CUX1: variants seen among roughly 807,000 people sequenced by gnomAD.
CUX1 encodes the protein cut like homeobox 1, also known as protein CASP.
Under a neutral mutation model 158.8 loss-of-function variants are expected in CUX1, and 31 were observed. The ratio of observed to expected loss-of-function variants is 0.20; its 90% CI spans 0.15 to 0.26. The LOEUF is 0.26. CUX1 is among the 10% of genes least tolerant of loss of function. The pLI, the probability that CUX1 is intolerant of heterozygous loss-of-function variation, is 1.00. For missense variants in CUX1, 1,589 were observed against 2,014.6 expected (o/e 0.79, Z 4.04); for synonymous variants, 879 against 862.1 (o/e 1.02, Z -0.34).
chr7:102,230,895 C>T (rs1554530435), intron 21 of CUX1, among the ~76,000 whole-genome samples: 1 of 152,118 alleles, frequency 6.6e-6, no homozygotes, highest in Non-Finnish European at 1.5e-5. Context: ...GGGTCTAGCT[C>T]TGTTGCCCAG....
intron 1 of CUX1, among the ~76,000 whole-genome samples, chr7:101,825,467 G>A (rs2130956384): frequency 6.6e-6 from 1 of 152,296 alleles, no homozygotes; most frequent in South Asian, 2.1e-4. Flanking sequence ...CAGGGCCCTT[G>A]GAGAGCTGTG....
At chr7:102,174,326 T>C (rs1319666846) in intron 10 of CUX1, among the ~76,000 whole-genome samples, 2 of 151,936 alleles carry the variant, frequency 1.3e-5, no homozygotes, top group African/African-American at 4.8e-5. Flanking sequence ...ACCATGTTGG[T>C]CAGGCTGGTC....
In CUX1 at chr7:102,251,728, A is replaced by G. The variant is rs528239458; in HGVS notation, c.*2686A>G. On this transcript the variant is annotated 3_prime_UTR_variant, in exon 24 of 24. Transcript: ENST00000292535. ...TGGTGTCCTCTCCACAAAACCCTCA[A>G]GGGACTTTTGTCATCATGTGTGATG... 27 of 985,422 alleles carry G rather than the reference A, an allele frequency of 2.7e-5. No homozygotes were observed. The highest frequency in any genetic ancestry group is 5.2e-4 in the Middle Eastern group (1 of 1,914). 61.0% of individuals were successfully genotyped at this position (985,422 alleles called of 1,614,324 possible). A position where few individuals can be genotyped will look rare whatever the true frequency, so the allele number is the denominator to read the frequency against.
intron 2 of CUX1, among the ~76,000 whole-genome samples, chr7:102,023,956 G>A (rs1819697084): frequency 2.6e-5 from 4 of 152,200 alleles, no homozygotes. Context: ...ACATGGATAG[G>A]GTGAGAGGAG....
chr7:102,221,737 T>TAAAA (rs60706791), intron 20 of CUX1, among the ~76,000 whole-genome samples: 1,660 of 133,924 alleles, frequency 0.012, 39 homozygotes, highest in African/African-American at 0.045. Flanking sequence ...CAGTGCCTTG[T>TAAAA]AAAAAAAAAA....
intron 7 of CUX1, among the ~76,000 whole-genome samples, chr7:102,113,314 C>T (rs188810710): frequency 1.2e-4 from 18 of 152,324 alleles, no homozygotes; most frequent in Middle Eastern, 3.4e-3. Context: ...TCTCGGCTCA[C>T]TGCAACCTCT....
At chr7:101,834,011 G>A (rs1562903244) in intron 1 of CUX1, among the ~76,000 whole-genome samples, 4 of 152,014 alleles carry the variant, frequency 2.6e-5, no homozygotes, top group South Asian at 2.1e-4. Flanking sequence ...GTGCAGCCAC[G>A]TGCCTTTCCT....
At chr7:102,281,778 G>C in intron 20 of CUX1, 1 of 1,146,898 alleles carries the variant, frequency 8.7e-7, no homozygotes, top group Non-Finnish European at 1.3e-6. Flanking sequence ...GTGAAGCCCA[G>C]GCAGCCCTGC....
intron 22 of CUX1, among the ~76,000 whole-genome samples, chr7:102,237,361 G>A (rs933470038): frequency 5.3e-5 from 8 of 152,126 alleles, no homozygotes; most frequent in Middle Eastern, 3.4e-3. Context: ...TCGGGTGCAC[G>A]CAGCCTCGGT....
chr7:102,221,710 T>G (rs1586300049), intron 20 of CUX1, among the ~76,000 whole-genome samples: 1 of 143,156 alleles, frequency 7.0e-6, no homozygotes, highest in African/African-American at 2.7e-5. Flanking sequence ...CTCACCAAGC[T>G]CCTCTTATGC....
intron 1 of CUX1, among the ~76,000 whole-genome samples, chr7:101,860,770 TTCCTTCCTTCCTTCCC>T (rs879445998): frequency 2.4e-4 from 33 of 138,428 alleles, no homozygotes; most frequent in Admixed American, 6.3e-4. Flanking sequence ...CCTTCCTTCC[TTCCTTCCTTCCTTCCC>T]TCCTTCCCCT....
chr7:102,254,301 G>T lies in CUX1; in HGVS notation c.*5259G>T. Reference sequence around the variant, plus strand: ...TATCCTTGTCCCGGACTGCCCCAAAGTTCCCAGCTGGCTTTGGGGAACACT... The same window carrying T: ...TATCCTTGTCCCGGACTGCCCCAAATTTCCCAGCTGGCTTTGGGGAACACT... On this transcript the variant is annotated 3_prime_UTR_variant, in exon 24 of 24. Coordinates refer to ENST00000292535, the MANE Select transcript of CUX1 (RefSeq NM_181552.4). 1.0e-6 allele frequency: 1 copy of T among 985,484 alleles called. No individual in the cohort carries two copies. Among genetic ancestry groups the T allele is most frequent in the South Asian group, 4.7e-5 (1 of 21,270 alleles). 61.0% of individuals were successfully genotyped at this position (985,484 alleles called of 1,614,324 possible).
rs147866116 is a variant in CUX1, at chr7:102,103,457, C to G, written c.407-879C>G. Among the ~76,000 whole-genome samples, 486 of 152,008 alleles carry G rather than the reference C, an allele frequency of 3.2e-3. 1 individual carries two copies. The highest frequency in any genetic ancestry group is 4.6e-3 in the Non-Finnish European group (311 of 67,932). ...TCTCACTCACTCACTCACTCACTCA[C>G]TCACACTCTGTCACCCAGGTTGGAG... On this transcript the variant is annotated intron_variant, in intron 5 of 23. Coordinates refer to ENST00000292535, the MANE Select transcript of CUX1 (RefSeq NM_181552.4).
chr7:102,253,815 G>T lies in CUX1; in HGVS notation c.*4773G>T. On this transcript the variant is annotated 3_prime_UTR_variant, in exon 24 of 24. Transcript: ENST00000292535. ...AACACGGGGCATGAGCGGTGGGCGT[G>T]CTGGGCTATTTGCTGTGGTACTTTA... The T allele has an allele frequency of 1.0e-6, 1 of 985,642 alleles. No individual in the cohort carries two copies. Among genetic ancestry groups the T allele is most frequent in the Non-Finnish European group, 1.2e-6 (1 of 830,114 alleles). 61.1% of individuals were successfully genotyped at this position (985,642 alleles called of 1,614,324 possible).
At chr7:101,866,023 T>G (rs1389773658) in intron 1 of CUX1, among the ~76,000 whole-genome samples, 1 of 151,682 alleles carries the variant, frequency 6.6e-6, no homozygotes, top group African/African-American at 2.4e-5. Context: ...TATTTCAAGG[T>G]CTCAAATTAA....
intron 15 of CUX1, chr7:102,274,225 C>T (rs1791432897): frequency 6.2e-7 from 1 of 1,611,274 alleles, no homozygotes; most frequent in Admixed American, 1.7e-5. Flanking sequence ...ACCTCCTCAT[C>T]GCTTCCTGTC....
intron 2 of CUX1, among the ~76,000 whole-genome samples, chr7:101,921,753 G>A (rs369225381): frequency 1.6e-4 from 25 of 152,058 alleles, no homozygotes; most frequent in African/African-American, 4.6e-4. Flanking sequence ...CACCACACCC[G>A]GCCTTAGCTC....
At chr7:102,010,744 G>A (rs897191042) in intron 2 of CUX1, among the ~76,000 whole-genome samples, 28 of 152,366 alleles carry the variant, frequency 1.8e-4, no homozygotes, top group Middle Eastern at 3.4e-3. Context: ...GCCGGCGGGC[G>A]TGAGGACCAC....
intron 2 of CUX1, among the ~76,000 whole-genome samples, chr7:102,012,274 G>A (rs528649871): frequency 2.7e-4 from 41 of 152,036 alleles, no homozygotes; most frequent in East Asian, 1.5e-3. Context: ...TGCAACCTCC[G>A]CCTCCCGGGT....
Sources: gnomAD v4.1 joint callset for allele counts (sites outside exome capture counted in the v4.1 genomes callset) on GRCh38, gnomAD v4.1.1 for gene constraint, MANE v1.5 for transcripts, NCBI Gene and HGNC (gene_info 2026-07-23, HGNC 2026-07-21) for gene names.